The following TDRD9 variants were observed in gnomAD, a reference collection of about 807,000 sequenced individuals.
The protein encoded by TDRD9 is tudor domain containing 9, also known as ATP-dependent RNA helicase TDRD9.
Under a neutral mutation model 172.6 loss-of-function variants are expected in TDRD9, and 124 were observed. The observed-to-expected ratio is 0.72, with a 90% CI of 0.62 to 0.83. The LOEUF is 0.83. Among genes scored for constraint, TDRD9 ranks in the 40% least tolerant of loss-of-function variants. The probability of loss-of-function intolerance (pLI) is 0.00; values close to 1 mark genes in which losing one functional copy is unlikely to be tolerated. For synonymous variants in TDRD9, 619 were observed against 617.1 expected (o/e 1.00, Z -0.05); for missense variants, 1,479 against 1,714.1 (o/e 0.86, Z 2.42).
intron 1 of TDRD9, among the ~76,000 whole-genome samples, chr14:103,938,440 A>ATTTTTTTTTTTTTT (rs71126087): frequency 1.1e-4 from 5 of 44,538 alleles, no homozygotes; most frequent in Admixed American, 4.9e-4. Flanking sequence ...ATATATATAT[A>ATTTTTTTTTTTTTT]TTTTTTTTTT....
At chr14:103,941,825 G>A in intron 1 of TDRD9, 2 of 670,388 alleles carry the variant, frequency 3.0e-6, no homozygotes, top group South Asian at 4.1e-5. Context: ...TAGCTATGCA[G>A]GTCAAAATAA....
chr14:104,035,227 C>T (rs752443446), intron 32 of TDRD9, among the ~76,000 whole-genome samples, 171 bp downstream of exon 32: 31 of 151,876 alleles, frequency 2.0e-4, no homozygotes, highest in Non-Finnish European at 3.5e-4. Flanking sequence ...TATGCTTGGG[C>T]TGATTTTGAA....
rs919167813 is a variant in TDRD9 at position 103,940,885 on chromosome 14, A to G, written c.215+12161A>G. ...GAACCTGTCCTTTGTGTTTTTGTCT[A>G]CGTAACTGGAAATGGTGGGTATTTC... On this transcript the variant is annotated intron_variant, in intron 1 of 35. Coordinates refer to ENST00000409874, the MANE Select transcript of TDRD9 (RefSeq NM_153046.3). 5.9e-6 allele frequency: 9 copies of G among 1,535,150 alleles called. No individual in the cohort carries two copies. In the Admixed American group the frequency reaches 9.8e-5, roughly 17 times the overall value.
intron 20 of TDRD9, among the ~76,000 whole-genome samples, chr14:104,010,776 T>C (rs1238530621): frequency 1.3e-5 from 2 of 152,206 alleles, no homozygotes; most frequent in Admixed American, 1.3e-4. Flanking sequence ...TCACGAATAC[T>C]CAAGTCTTAC....
At chr14:103,986,637 T>C (rs1595949698) in intron 8 of TDRD9, among the ~76,000 whole-genome samples, 1 of 152,230 alleles carries the variant, frequency 6.6e-6, no homozygotes, top group Non-Finnish European at 1.5e-5. Context: ...CTTTAAATCC[T>C]ACATTAGTAG....
intron 6 of TDRD9, among the ~76,000 whole-genome samples, chr14:103,972,789 C>G (rs1470532927): frequency 6.6e-6 from 1 of 152,210 alleles, no homozygotes; most frequent in South Asian, 2.1e-4. Flanking sequence ...TTAGGATGTT[C>G]ATATTTTCAC....
intron 2 of TDRD9, among the ~76,000 whole-genome samples, chr14:103,960,177 T>A (rs1287243336): frequency 2.6e-5 from 4 of 152,258 alleles, no homozygotes; most frequent in African/African-American, 9.6e-5. Flanking sequence ...AGTAATCCAG[T>A]AATTAAAATT....
chr14:104,006,142 A>G (rs2034430679), intron 15 of TDRD9, among the ~76,000 whole-genome samples: 1 of 152,140 alleles, frequency 6.6e-6, no homozygotes, highest in Admixed American at 6.5e-5. Context: ...GGTGAGTAGA[A>G]TTCTGTGAAA....
intron 11 of TDRD9, among the ~76,000 whole-genome samples, chr14:103,994,976 T>C (rs915621069): frequency 8.1e-6 from 1 of 123,220 alleles, no homozygotes; most frequent in Non-Finnish European, 1.8e-5. Context: ...GAAAAAAAAA[T>C]CACATTTCAG....
chr14:103,968,794 T>TAAAAAAAAAAAAAAAAAAAAAAAAA (rs1475595274), intron 5 of TDRD9, among the ~76,000 whole-genome samples: 1 of 2,162 alleles, frequency 4.6e-4, no homozygotes, highest in Non-Finnish European at 1.8e-3. Flanking sequence ...AGACTCTGTC[T>TAAAAAAAAAAAAAAAAAAAAAAAAA]CAAAAAAAAA....
intron 4 of TDRD9, among the ~76,000 whole-genome samples, chr14:103,966,104 G>A (rs2032734244): frequency 6.6e-6 from 1 of 152,162 alleles, no homozygotes; most frequent in South Asian, 2.1e-4. Flanking sequence ...GCTGAGGCGG[G>A]CAGATCACTT....
rs532828548 is a variant in TDRD9 at position 103,980,362 on chromosome 14, C to T, written c.1011+4809C>T. Among the ~76,000 whole-genome samples, 11 of 152,118 alleles carry T rather than the reference C, an allele frequency of 7.2e-5. No homozygotes were observed. The highest frequency in any genetic ancestry group is 3.9e-4 in the East Asian group (2 of 5,166). On this transcript the variant is annotated intron_variant, in intron 7 of 35. Coordinates refer to ENST00000409874, the MANE Select transcript of TDRD9 (RefSeq NM_153046.3). The surrounding 1 kb of genome is among the most constrained non-coding windows in gnomAD (Gnocchi z 4.5). Reference sequence around the variant, plus strand: ...ATGATAGGTAAGGTCATGTGGGTCACGTGTCGACTGGACAGGGGGCCCTTC... The same window carrying T: ...ATGATAGGTAAGGTCATGTGGGTCATGTGTCGACTGGACAGGGGGCCCTTC...
At position 104,046,684 on chromosome 14, in the gene TDRD9, T is replaced by C. The variant is rs527534711; in HGVS notation, c.3975-2924T>C. The stretch of plus-strand genomic sequence containing the variant: ...TTTTTGAGACAGAGTCTTGCTCTGT[T>C]GCCCAGGCTGGAGTGCAGTGGCGTG... On this transcript the variant is annotated intron_variant, in intron 34 of 35. Coordinates refer to ENST00000409874, the MANE Select transcript of TDRD9 (RefSeq NM_153046.3). Among the ~76,000 whole-genome samples, 270 of 152,178 alleles carry C rather than the reference T, an allele frequency of 1.8e-3. 1 individual carries two copies. The highest frequency in any genetic ancestry group is 3.3e-3 in the Non-Finnish European group (224 of 68,004).
chr14:103,974,964 G>A (rs1595935245), intron 6 of TDRD9, among the ~76,000 whole-genome samples: 1 of 151,888 alleles, frequency 6.6e-6, no homozygotes, highest in Non-Finnish European at 1.5e-5. Flanking sequence ...AGAGACAGTG[G>A]TCTCATGTTG....
chr14:104,018,103 T>C lies in TDRD9; in HGVS notation c.2343T>C (p.Ile781=), dbSNP rs1261248276. 4 of 1,593,450 alleles carry C rather than the reference T, an allele frequency of 2.5e-6. No homozygotes were observed. The highest frequency in any genetic ancestry group is 2.7e-5 in the African/African-American group (2 of 74,588). ...DPKTTVVLKH[I]PPYGFLYYKQ... is the part of the protein sequence containing the mutation. Reference sequence around the variant, plus strand: ...GTTATATTTTACAGTTGAAACACATTCCTCCCTATGGATTTCTTTACTATA... The same window carrying C: ...GTTATATTTTACAGTTGAAACACATCCCTCCCTATGGATTTCTTTACTATA... Residue 781 remains isoleucine (I), a synonymous_variant, in exon 23 of 36, where the codon ATT becomes ATC. Coordinates refer to ENST00000409874, the MANE Select transcript of TDRD9 (RefSeq NM_153046.3).
intron 1 of TDRD9, among the ~76,000 whole-genome samples, chr14:103,929,229 C>G (rs1056411998): frequency 2.0e-5 from 3 of 151,506 alleles, no homozygotes; most frequent in Non-Finnish European, 4.4e-5. Context: ...CAGATCTTCT[C>G]GGCCCCACTG....
At chr14:104,018,541 T>C (rs2034860887) in intron 23 of TDRD9, among the ~76,000 whole-genome samples, 1 of 152,238 alleles carries the variant, frequency 6.6e-6, no homozygotes, top group Non-Finnish European at 1.5e-5. Context: ...GTAAGAGTTA[T>C]TTTGTGGGCC....
chr14:104,024,942 GAAAT>G (rs1412643005), intron 25 of TDRD9, among the ~76,000 whole-genome samples: 1 of 152,156 alleles, frequency 6.6e-6, no homozygotes, highest in African/African-American at 2.4e-5. Context: ...TTAAAATGCT[GAAAT>G]AAATCAGATT....
intron 28 of TDRD9, 98 bp downstream of exon 28, chr14:104,027,037 A>G: frequency 1.5e-6 from 2 of 1,317,000 alleles, no homozygotes; most frequent in Non-Finnish European, 2.1e-6. Context: ...GGAGGCGGAC[A>G]GTGTTCCTCT....
Sources: gnomAD v4.1 joint callset for allele counts (sites outside exome capture counted in the v4.1 genomes callset) on GRCh38, gnomAD v4.1.1 for gene constraint, Gnocchi (gnomAD v3.1) non-coding constraint, MANE v1.5 for transcripts, NCBI Gene and HGNC (gene_info 2026-07-23, HGNC 2026-07-21) for gene names.